Variants in NEO1 observed in about 807,000 individuals in gnomAD.
The protein encoded by NEO1 is neogenin 1.
In NEO1, 63 loss-of-function variants were observed where a neutral mutation model predicts 159.7. The observed-to-expected ratio is 0.39, with a 90% CI of 0.32 to 0.49. The LOEUF is 0.49. Ranked by LOEUF, NEO1 falls within the 20% of genes least tolerant of loss-of-function variation. The pLI, the probability that NEO1 is intolerant of heterozygous loss-of-function variation, is 0.85. For missense variants in NEO1, 1,615 were observed against 1,831.0 expected, an observed-to-expected ratio of 0.88 and a Z score of 2.15; for synonymous variants, 633 against 662.0, an observed-to-expected ratio of 0.96 and a Z score of 0.67.
chr15:73,122,496 T>G, intron 2 of NEO1, 29 bp from the exon 3 acceptor site: 3 of 1,590,186 alleles, frequency 1.9e-6, no homozygotes, highest in Non-Finnish European at 2.6e-6. Context: ...TTAAATAAAT[T>G]TTATTTCTTC....
intron 1 of NEO1, among the ~76,000 whole-genome samples, chr15:73,058,331 C>G (rs926040751): frequency 1.3e-5 from 2 of 152,184 alleles, no homozygotes; most frequent in African/African-American, 4.8e-5. Flanking sequence ...GAAACTGAGT[C>G]TCAGATATTA....
intron 1 of NEO1, among the ~76,000 whole-genome samples, chr15:73,100,529 T>A (rs1018105692): frequency 3.3e-5 from 5 of 152,058 alleles, no homozygotes; most frequent in Non-Finnish European, 5.9e-5. Flanking sequence ...GAGATGGGGT[T>A]TCGGCATGTT....
chr15:73,052,719 C>A lies in NEO1; in HGVS notation c.44C>A (p.Ser15Tyr), dbSNP rs748943546. 191 of 1,358,392 alleles carry A rather than the reference C, an allele frequency of 1.4e-4. No individual in the cohort carries two copies. The highest frequency in any genetic ancestry group is 1.7e-4 in the Non-Finnish European group (182 of 1,047,808). The allele number at this position is 1,358,392 out of a possible 1,614,324, so 84.1% of individuals were successfully genotyped here. The change falls in exon 1 of 29, where the codon TCC becomes TAC. Residue 15 changes from serine (S) to tyrosine (Y), a missense_variant. By Grantham distance (144) the Ser-to-Tyr change is moderately radical. Coordinates refer to ENST00000261908, the MANE Select transcript of NEO1 (RefSeq NM_002499.4). ...GCCCGGCGACTCCTCAGCACCCCCT[C>A]CTTCTGGCTCTACTGCCTGCTGCTG... ...RGARRLLSTP[S>Y]FWLYCLLLLG...
chr15:73,236,252 G>C (rs1464230873), intron 7 of NEO1, 95 bp from the exon 8 acceptor site: 2 of 1,547,470 alleles, frequency 1.3e-6, no homozygotes, highest in Admixed American at 3.4e-5. Flanking sequence ...GTCGTGGTTT[G>C]CCCTTCATAT....
intron 9 of NEO1, 66 bp from the exon 10 acceptor site, chr15:73,248,994 C>T: frequency 6.6e-7 from 1 of 1,519,090 alleles, no homozygotes; most frequent in Non-Finnish European, 9.0e-7. Flanking sequence ...ACAGTATTGC[C>T]AAGAATGGTT....
chr15:73,268,177 A>G (rs1017880576), intron 16 of NEO1, among the ~76,000 whole-genome samples: 1 of 152,186 alleles, frequency 6.6e-6, no homozygotes, highest in Non-Finnish European at 1.5e-5. Context: ...TACAGTTTAT[A>G]ATTTCTTTTA....
At chr15:73,290,305 A>T (rs1472541156) in intron 25 of NEO1, among the ~76,000 whole-genome samples, 1 of 125,894 alleles carries the variant, frequency 7.9e-6, no homozygotes, top group Non-Finnish European at 1.6e-5. Flanking sequence ...CAGTGTCACG[A>T]TCTCAGCTCA....
At chr15:73,283,704 G>A (rs1018092401) in intron 23 of NEO1, among the ~76,000 whole-genome samples, 3 of 152,198 alleles carry the variant, frequency 2.0e-5, no homozygotes, top group African/African-American at 7.2e-5. Flanking sequence ...GAGAAAAGTA[G>A]AAAGTGTCTG....
In NEO1 at chr15:73,222,654, A is replaced by G. The variant is rs78020652; in HGVS notation, c.1292-13693A>G. ...TTTGGATTTTCTCTTTTCTTGGTTA[A>G]TTTTGCTTATGGTCTGTTGGTTTTA... On this transcript the variant is annotated intron_variant, in intron 7 of 28. Coordinates refer to ENST00000261908, the MANE Select transcript of NEO1 (RefSeq NM_002499.4). 2.7e-3 allele frequency among the ~76,000 whole-genome samples: 416 copies of G among 151,922 alleles called. 13 individuals are homozygous for G. The East Asian group carries it at 0.078, about 29-fold the overall frequency.
intron 5 of NEO1, among the ~76,000 whole-genome samples, chr15:73,137,096 C>A (rs1386174967): frequency 6.6e-6 from 1 of 152,120 alleles, no homozygotes; most frequent in Non-Finnish European, 1.5e-5. Context: ...AAGACCTGGC[C>A]TTTAGTGCTT....
Position 73,166,188 on chromosome 15 carries a change from C to T in NEO1, c.1016-10215C>T, listed in dbSNP as rs1567361944. 2.0e-5 allele frequency among the ~76,000 whole-genome samples: 3 copies of T among 152,150 alleles called. No homozygotes were observed. In the East Asian group the frequency reaches 5.8e-4, roughly 29 times the overall value. On this transcript the variant is annotated intron_variant, in intron 5 of 28. Transcript: ENST00000261908. ...CCATACCTGCTATAGTGGCTTCTCT[C>T]TAAAAACAGAAAATAGCAAGTGTTG...
intron 5 of NEO1, among the ~76,000 whole-genome samples, chr15:73,137,600 G>A (rs981948639): frequency 7.9e-5 from 12 of 152,102 alleles, no homozygotes; most frequent in African/African-American, 2.7e-4. Flanking sequence ...GGGTTCAAGC[G>A]ATCATCCTGC....
At chr15:73,261,278 T>C (rs1010119916) in intron 15 of NEO1, among the ~76,000 whole-genome samples, 8 of 152,118 alleles carry the variant, frequency 5.3e-5, no homozygotes, top group African/African-American at 1.9e-4. Context: ...CTGGGCACTA[T>C]ATCTATTCAT....
At chr15:73,068,669 TATTA>T (rs2068362053) in intron 1 of NEO1, among the ~76,000 whole-genome samples, 1 of 152,128 alleles carries the variant, frequency 6.6e-6, no homozygotes, top group South Asian at 2.1e-4. Flanking sequence ...TGTTTTTATT[TATTA>T]ATTTTTTAAA....
At chr15:73,270,528 A>G (rs997032160) in intron 18 of NEO1, 74 bp downstream of exon 18, 30 of 1,475,510 alleles carry the variant, frequency 2.0e-5, no homozygotes, top group Non-Finnish European at 2.7e-5. Flanking sequence ...CTGAATTGAC[A>G]TATTTACAAA....
chr15:73,086,295 C>T (rs974035785), intron 1 of NEO1, among the ~76,000 whole-genome samples: 1 of 152,086 alleles, frequency 6.6e-6, no homozygotes. Flanking sequence ...TATATCTGTC[C>T]TTTTGCCTAT....
intron 14 of NEO1, among the ~76,000 whole-genome samples, chr15:73,259,885 A>G (rs140925674): frequency 5.9e-4 from 89 of 152,106 alleles, no homozygotes; most frequent in Non-Finnish European, 7.4e-4. Context: ...GCTTCCCACT[A>G]CTCAGTTTAT....
chr15:73,092,274 T>C (rs2069735573), intron 1 of NEO1, among the ~76,000 whole-genome samples: 1 of 152,186 alleles, frequency 6.6e-6, no homozygotes, highest in African/African-American at 2.4e-5. Flanking sequence ...GGAACCTAAG[T>C]ACTACACAAG....
At chr15:73,238,292 T>G (rs528086310) in intron 8 of NEO1, among the ~76,000 whole-genome samples, 39 of 143,420 alleles carry the variant, frequency 2.7e-4, no homozygotes, top group South Asian at 8.9e-4. Context: ...TTTTTTTTTT[T>G]TTTTTTTTGA....
Sources: allele counts gnomAD v4.1 joint callset (sites outside exome capture counted in the v4.1 genomes callset), GRCh38; gene constraint gnomAD v4.1.1; transcripts MANE v1.5; gene names NCBI Gene and HGNC (gene_info 2026-07-23, HGNC 2026-07-21).